NDRG3: variants seen among roughly 807,000 people sequenced by gnomAD.
NDRG3 encodes the protein protein NDRG3.
In NDRG3, 23 loss-of-function variants were observed where a neutral mutation model predicts 57.2. That is an observed-to-expected ratio of 0.40 (90% CI 0.29 to 0.57). The LOEUF (loss-of-function observed/expected upper bound fraction) is 0.57. NDRG3 is among the 20% of genes least tolerant of loss of function. The pLI, the probability that NDRG3 is intolerant of heterozygous loss-of-function variation, is 0.42. For synonymous variants in NDRG3, 132 were observed against 162.6 expected, an observed-to-expected ratio of 0.81 and a Z score of 1.43; for missense variants, 384 against 457.3, an observed-to-expected ratio of 0.84 and a Z score of 1.46.
At chr20:36,717,450 T>A (rs1984340320) in intron 2 of NDRG3, among the ~76,000 whole-genome samples, 1 of 152,236 alleles carries the variant, frequency 6.6e-6, no homozygotes, top group African/African-American at 2.4e-5. Flanking sequence ...AGGCTTCTCC[T>A]TAAAGAGACA....
chr20:36,659,532 A>G (rs1439363606), intron 13 of NDRG3, among the ~76,000 whole-genome samples: 1 of 152,194 alleles, frequency 6.6e-6, no homozygotes, highest in Non-Finnish European at 1.5e-5. Flanking sequence ...ATTTTATTCC[A>G]TATGCTTTCC....
At chr20:36,666,439 T>C (rs757764744) in intron 9 of NDRG3, 47 bp from the exon 10 acceptor site, 9 of 1,392,316 alleles carry the variant, frequency 6.5e-6, no homozygotes, top group Non-Finnish European at 9.2e-6. Context: ...AGCTCCAGAA[T>C]AAGTCCATCT....
intron 1 of NDRG3, among the ~76,000 whole-genome samples, chr20:36,722,666 C>T (rs1426875947): frequency 6.6e-6 from 1 of 152,110 alleles, no homozygotes; most frequent in Non-Finnish European, 1.5e-5. Flanking sequence ...CAAGGCTAAG[C>T]TTACTAATCC....
At chr20:36,671,819 A>C (rs987925800) in intron 8 of NDRG3, among the ~76,000 whole-genome samples, 28 of 151,476 alleles carry the variant, frequency 1.8e-4, no homozygotes, top group African/African-American at 4.6e-4. Context: ...AAAAAAAAAA[A>C]CCCCACAATT....
At position 36,652,157 on chromosome 20, in the gene NDRG3, A is replaced by C. The variant is rs566234971; in HGVS notation, c.*1363T>G. On this transcript the variant is annotated 3_prime_UTR_variant, in exon 16 of 16. Transcript: ENST00000349004. ...GCTGGGAGCAATGACTCATGCCTGT[A>C]ATCCCAGCACTTTGGGAGGCTGAGG... 1 of 152,412 alleles carries C rather than the reference A, an allele frequency of 6.6e-6. No homozygotes were observed. The highest frequency in any genetic ancestry group is 6.5e-5 in the Admixed American group (1 of 15,298). 9.4% of individuals were successfully genotyped at this position (152,412 alleles called of 1,614,324 possible). A position where few individuals can be genotyped will look rare whatever the true frequency, so the allele number is the denominator to read the frequency against.
At chr20:36,743,839 A>G (rs962114984) in intron 1 of NDRG3, among the ~76,000 whole-genome samples, 2 of 151,008 alleles carry the variant, frequency 1.3e-5, no homozygotes, top group African/African-American at 2.4e-5. Context: ...AAAAACAAAC[A>G]AAAAACAAAC....
chr20:36,686,622 C>T (rs1981804133), intron 5 of NDRG3, among the ~76,000 whole-genome samples: 1 of 152,162 alleles, frequency 6.6e-6, no homozygotes, highest in African/African-American at 2.4e-5. Flanking sequence ...AGGGAACAAA[C>T]AGGTAGGGAG....
At chr20:36,654,711 C>G (rs1978499912) in intron 15 of NDRG3, 1 of 768,002 alleles carries the variant, frequency 1.3e-6, no homozygotes, top group African/African-American at 1.7e-5. Flanking sequence ...CGGGCTCTCA[C>G]TGCATAGGAA....
chr20:36,660,538 A>ATTTATTTATT (rs1568622409), intron 12 of NDRG3, among the ~76,000 whole-genome samples, 154 bp from the exon 13 acceptor site: 5 of 149,942 alleles, frequency 3.3e-5, no homozygotes, highest in African/African-American at 1.2e-4. Flanking sequence ...AGTGGGAGAT[A>ATTTATTTATT]TATTTATTTA....
intron 13 of NDRG3, among the ~76,000 whole-genome samples, chr20:36,658,782 A>C (rs1164756945): frequency 1.3e-5 from 2 of 152,086 alleles, no homozygotes; most frequent in African/African-American, 2.4e-5. Context: ...CTTGATACTA[A>C]CTCTAGATAT....
intron 2 of NDRG3, among the ~76,000 whole-genome samples, chr20:36,712,579 ATATATATATTTTTTTT>A (rs1219283109): frequency 5.3e-4 from 8 of 15,092 alleles, no homozygotes; most frequent in African/African-American, 1.6e-3. Flanking sequence ...ATATATATAT[ATATATATATTTTTTTT>A]TTTTTTTTTT....
chr20:36,669,200 G>A (rs1285381201), intron 9 of NDRG3, among the ~76,000 whole-genome samples: 4 of 151,690 alleles, frequency 2.6e-5, no homozygotes, highest in African/African-American at 7.3e-5. Flanking sequence ...GGGATTACAG[G>A]CACGTGCCAC....
intron 5 of NDRG3, among the ~76,000 whole-genome samples, chr20:36,684,793 G>A (rs1044032119): frequency 1.3e-5 from 2 of 151,462 alleles, no homozygotes; most frequent in Non-Finnish European, 2.9e-5. Context: ...AGGCTGCCGT[G>A]AGCGGAGATC....
rs1479382130 is a variant in NDRG3 at position 36,721,635 on chromosome 20, G to T, written c.57+44C>A. The T allele has an allele frequency of 3.4e-6, 4 of 1,179,904 alleles. No homozygotes were observed. In the East Asian group the frequency reaches 9.4e-5, roughly 28 times the overall value. The allele number at this position is 1,179,904 out of a possible 1,614,324, so 73.1% of individuals were successfully genotyped here. ...TACAGAAAATGAAATACTATCAGAA[G>T]AAAAGGCTTGTCCATATTTTAGTGA... On this transcript the variant is annotated intron_variant, in intron 2 of 15. Transcript: ENST00000349004.
intron 3 of NDRG3, among the ~76,000 whole-genome samples, chr20:36,696,902 C>CATGTATA (rs1284468464): frequency 2.0e-5 from 3 of 152,144 alleles, no homozygotes; most frequent in South Asian, 2.1e-4. Flanking sequence ...CAATCTGTTC[C>CATGTATA]ATAAAGTACC....
At chr20:36,709,157 G>A (rs780813559) in intron 2 of NDRG3, among the ~76,000 whole-genome samples, 2 of 152,120 alleles carry the variant, frequency 1.3e-5, no homozygotes, top group African/African-American at 2.4e-5. Flanking sequence ...TATCCAGTAC[G>A]GTAGCCGTTA....
At chr20:36,703,552 G>A (rs553170370) in intron 3 of NDRG3, among the ~76,000 whole-genome samples, 15 of 151,628 alleles carry the variant, frequency 9.9e-5, no homozygotes, top group East Asian at 7.8e-4. Flanking sequence ...CAAGCAATCC[G>A]CTTGCCTCAG....
chr20:36,702,421 C>T (rs766953965), intron 3 of NDRG3, among the ~76,000 whole-genome samples: 20 of 152,158 alleles, frequency 1.3e-4, no homozygotes, highest in Admixed American at 2.0e-4. Flanking sequence ...CAGGCGTGAG[C>T]GACCGCGCCC....
intron 1 of NDRG3, among the ~76,000 whole-genome samples, chr20:36,734,405 A>G (rs1032328241): frequency 2.6e-5 from 4 of 152,168 alleles, no homozygotes; most frequent in African/African-American, 9.7e-5. Context: ...GCCTCACCAC[A>G]CCCACTCCGC....
Sources: gnomAD v4.1 joint callset for allele counts (sites outside exome capture counted in the v4.1 genomes callset) on GRCh38, gnomAD v4.1.1 for gene constraint, MANE v1.5 for transcripts, NCBI Gene and HGNC (gene_info 2026-07-23, HGNC 2026-07-21) for gene names.